GXYLT1: variants seen among roughly 807,000 people sequenced by gnomAD.
GXYLT1 encodes the protein glycosyltransferase 8 domain containing 3.
In GXYLT1, 29 loss-of-function variants were observed where a neutral mutation model predicts 54.0. The observed-to-expected ratio is 0.54, with a 90% CI of 0.40 to 0.73. GXYLT1 has a LOEUF of 0.73. Ranked by LOEUF, GXYLT1 falls within the 30% of genes least tolerant of loss-of-function variation. The pLI, the probability that GXYLT1 is intolerant of heterozygous loss-of-function variation, is 0.00. For missense variants in GXYLT1, 490 were observed against 553.4 expected, an observed-to-expected ratio of 0.89 and a Z score of 1.15; for synonymous variants, 176 against 204.1, an observed-to-expected ratio of 0.86 and a Z score of 1.17.
Position 42,144,745 on chromosome 12 carries a change from C to G in GXYLT1, c.-99G>C. Reference sequence around the variant, plus strand: ...CGCGCAGCCGCGGGCGCAACAAGTTCCTCACCCGCAGCCGCCGCCGCCGCC... The same window carrying G: ...CGCGCAGCCGCGGGCGCAACAAGTTGCTCACCCGCAGCCGCCGCCGCCGCC... On this transcript the variant is annotated 5_prime_UTR_variant, in exon 1 of 8. Transcript: ENST00000398675. 1.1e-6 allele frequency: 1 copy of G among 900,472 alleles called. No individual in the cohort carries two copies. Among genetic ancestry groups the G allele is most frequent in the Non-Finnish European group, 1.5e-6 (1 of 671,080 alleles). 55.8% of individuals were successfully genotyped at this position (900,472 alleles called of 1,614,324 possible).
intron 3 of GXYLT1, among the ~76,000 whole-genome samples, chr12:42,116,454 A>G (rs2065495569): frequency 6.6e-6 from 1 of 152,242 alleles, no homozygotes; most frequent in Non-Finnish European, 1.5e-5. Context: ...AACCCCATCA[A>G]CAAGTGGGCG....
At chr12:42,125,205 CAAG>C (rs570280033) in intron 2 of GXYLT1, among the ~76,000 whole-genome samples, 2 of 152,134 alleles carry the variant, frequency 1.3e-5, no homozygotes, top group East Asian at 3.9e-4. Context: ...TGAAAGGAGA[CAAG>C]AAGAGTTAAT....
At chr12:42,142,923 T>C (rs553521894) in intron 1 of GXYLT1, among the ~76,000 whole-genome samples, 1 of 152,280 alleles carries the variant, frequency 6.6e-6, no homozygotes, top group South Asian at 2.1e-4. Context: ...GTAATGCTAC[T>C]CAAAGGACCT....
intron 2 of GXYLT1, among the ~76,000 whole-genome samples, chr12:42,119,920 T>C (rs1190009631): frequency 6.6e-6 from 1 of 152,154 alleles, no homozygotes; most frequent in Non-Finnish European, 1.5e-5. Context: ...TCTCACCAAT[T>C]TTCCTCCTTT....
intron 2 of GXYLT1, among the ~76,000 whole-genome samples, chr12:42,122,191 C>T (rs533896924): frequency 1.7e-4 from 26 of 152,240 alleles, no homozygotes; most frequent in Admixed American, 5.2e-4. Context: ...AGAAGAAATT[C>T]GTCAGATGAT....
At chr12:42,125,894 G>C (rs568870724) in intron 2 of GXYLT1, among the ~76,000 whole-genome samples, 1 of 152,076 alleles carries the variant, frequency 6.6e-6, no homozygotes, top group East Asian at 1.9e-4. Context: ...GGCTATGGTG[G>C]CATGCACCTG....
chr12:42,118,098 CT>C (rs1418104870), intron 3 of GXYLT1, among the ~76,000 whole-genome samples: 2 of 152,192 alleles, frequency 1.3e-5, no homozygotes. Context: ...AGACTACCTA[CT>C]TTTATGGGAG....
chr12:42,109,875 A>T (rs2065442719), intron 3 of GXYLT1, among the ~76,000 whole-genome samples, 184 bp from the exon 4 acceptor site: 1 of 152,226 alleles, frequency 6.6e-6, no homozygotes, highest in Admixed American at 6.5e-5. Context: ...TCTAAAAATC[A>T]AAATTAGATC....
At chr12:42,088,481 C>T (rs1378881665) in intron 7 of GXYLT1, among the ~76,000 whole-genome samples, 2 of 152,086 alleles carry the variant, frequency 1.3e-5, no homozygotes, top group Non-Finnish European at 2.9e-5. Flanking sequence ...AAATATTAGG[C>T]ACTCTTCATG....
At chr12:42,118,207 A>G (rs1361275093) in intron 3 of GXYLT1, among the ~76,000 whole-genome samples, 3 of 152,238 alleles carry the variant, frequency 2.0e-5, no homozygotes, top group Non-Finnish European at 2.9e-5. Context: ...CAAAATAAAT[A>G]ACTTTCTTAT....
chr12:42,134,298 T>C (rs1322948008), intron 1 of GXYLT1, among the ~76,000 whole-genome samples: 3 of 152,032 alleles, frequency 2.0e-5, no homozygotes, highest in Admixed American at 6.5e-5. Flanking sequence ...CTCAGACTAG[T>C]CTCTGATCTA....
chr12:42,134,537 C>T (rs928367366), intron 1 of GXYLT1, among the ~76,000 whole-genome samples: 24 of 152,008 alleles, frequency 1.6e-4, no homozygotes, highest in African/African-American at 5.6e-4. Context: ...TATTTATATC[C>T]CATTACATGT....
Position 42,144,723 on chromosome 12 carries a change from G to A in GXYLT1, c.-77C>T. ...ACTGGAGCGGAGGGAGGGGCACCGC[G>A]CAGCCGCGGGCGCAACAAGTTCCTC... On this transcript the variant is annotated 5_prime_UTR_variant, in exon 1 of 8. Transcript: ENST00000398675. 3 of 1,143,344 alleles carry A rather than the reference G, an allele frequency of 2.6e-6. No individual in the cohort carries two copies. Among genetic ancestry groups the A allele is most frequent in the East Asian group, 3.4e-5 (1 of 29,552 alleles). 70.8% of individuals were successfully genotyped at this position (1,143,344 alleles called of 1,614,324 possible). A position where few individuals can be genotyped will look rare whatever the true frequency, so the allele number is the denominator to read the frequency against.
intron 2 of GXYLT1, among the ~76,000 whole-genome samples, chr12:42,129,117 T>C (rs1402155399): frequency 6.6e-6 from 1 of 152,220 alleles, no homozygotes; most frequent in Non-Finnish European, 1.5e-5. Context: ...CACTGCCTTA[T>C]CGTATTCTTA....
chr12:42,094,008 T>C (rs2065342315), intron 7 of GXYLT1, among the ~76,000 whole-genome samples: 1 of 151,928 alleles, frequency 6.6e-6, no homozygotes, highest in Non-Finnish European at 1.5e-5. Context: ...CTATAACCTG[T>C]TCTGTAACCC....
At chr12:42,127,267 T>C (rs1031535241) in intron 2 of GXYLT1, among the ~76,000 whole-genome samples, 2 of 152,176 alleles carry the variant, frequency 1.3e-5, no homozygotes, top group African/African-American at 4.8e-5. Context: ...TGAAATAGGG[T>C]GATTAAATGT....
intron 3 of GXYLT1, 53 bp downstream of exon 3, chr12:42,118,947 G>GTATAT: frequency 7.9e-7 from 1 of 1,271,208 alleles, no homozygotes; most frequent in Non-Finnish European, 1.1e-6. Context: ...TTCTATTATA[G>GTATAT]TATATTATTA....
chr12:42,130,985 C>G (rs2065591051), intron 1 of GXYLT1, among the ~76,000 whole-genome samples: 1 of 152,026 alleles, frequency 6.6e-6, no homozygotes, highest in Non-Finnish European at 1.5e-5. Flanking sequence ...AACCACCCTC[C>G]CTGCCCCAAA....
chr12:42,096,976 T>C lies in GXYLT1; in HGVS notation c.1161+466A>G, dbSNP rs536855079. 5.9e-5 allele frequency among the ~76,000 whole-genome samples: 9 copies of C among 152,004 alleles called. No homozygotes were observed. In the South Asian group the frequency reaches 1.9e-3, roughly 32 times the overall value. On this transcript the variant is annotated intron_variant, in intron 7 of 7. Coordinates refer to ENST00000398675, the MANE Select transcript of GXYLT1 (RefSeq NM_173601.2). ...AGACAGGCCAAAATGAAGAACATTC[T>C]AATAAAAAAAGGGGTGAAGAGGCTC...
Sources: allele counts gnomAD v4.1 joint callset (sites outside exome capture counted in the v4.1 genomes callset), GRCh38; gene constraint gnomAD v4.1.1; transcripts MANE v1.5; gene names NCBI Gene and HGNC (gene_info 2026-07-23, HGNC 2026-07-21).